LRMDA: variants seen among roughly 807,000 people sequenced by gnomAD.
The protein encoded by LRMDA is leucine-rich melanocyte differentiation-associated protein.
Under a neutral mutation model 29.8 loss-of-function variants are expected in LRMDA, and 18 were observed. The observed-to-expected ratio is 0.60, with a 90% CI of 0.42 to 0.90. The LOEUF (loss-of-function observed/expected upper bound fraction) is 0.90, where lower values mean the gene tolerates loss of function less well. LRMDA is among the 40% of genes least tolerant of loss of function. The pLI is 0.00. For missense variants in LRMDA, 273 were observed against 273.9 expected (o/e 1.00, Z 0.02); for synonymous variants, 125 against 109.4 (o/e 1.14, Z -0.89).
intron 6 of LRMDA, among the ~76,000 whole-genome samples, chr10:76,386,565 G>A (rs1589161412): frequency 6.6e-6 from 1 of 152,060 alleles, no homozygotes; most frequent in African/African-American, 2.4e-5. Context: ...GGAGGAACAT[G>A]TTCTTAACAC....
intron 2 of LRMDA, among the ~76,000 whole-genome samples, chr10:75,903,359 T>C (rs1459472936): frequency 1.3e-5 from 2 of 152,192 alleles, no homozygotes; most frequent in South Asian, 2.1e-4. Flanking sequence ...GCTGGCTAAA[T>C]TGGTACATTA....
At chr10:76,038,462 A>G (rs192999787) in intron 3 of LRMDA, among the ~76,000 whole-genome samples, 1 of 152,348 alleles carries the variant, frequency 6.6e-6, no homozygotes, top group Non-Finnish European at 1.5e-5. Context: ...AAACCTGACC[A>G]GTGATATCAC....
intron 2 of LRMDA, chr10:75,782,895 T>C: frequency 6.2e-7 from 1 of 1,605,462 alleles, no homozygotes; most frequent in Non-Finnish European, 8.5e-7. Flanking sequence ...CTGCTGTTGC[T>C]CTCATGCCTC....
At chr10:76,406,994 C>A (rs1841909223) in intron 6 of LRMDA, among the ~76,000 whole-genome samples, 1 of 152,154 alleles carries the variant, frequency 6.6e-6, no homozygotes. Flanking sequence ...TTCGTGCAAC[C>A]TTTGATCCCT....
intron 5 of LRMDA, among the ~76,000 whole-genome samples, chr10:76,126,798 A>T (rs1162310158): frequency 2.0e-5 from 3 of 152,206 alleles, no homozygotes; most frequent in Non-Finnish European, 1.5e-5. Context: ...AAAAACCACA[A>T]GAGAGCTGTG....
intron 5 of LRMDA, among the ~76,000 whole-genome samples, chr10:76,138,876 T>C (rs1457939929): frequency 3.3e-5 from 5 of 152,186 alleles, no homozygotes; most frequent in Non-Finnish European, 7.3e-5. Flanking sequence ...AAACAAGTGT[T>C]ATCAAGGAAA....
intron 5 of LRMDA, among the ~76,000 whole-genome samples, chr10:76,294,558 C>A (rs1840389409): frequency 1.3e-5 from 2 of 152,088 alleles, no homozygotes; most frequent in Admixed American, 6.6e-5. Context: ...ATGTAAGGAG[C>A]TGGAAAAAGG....
intron 2 of LRMDA, among the ~76,000 whole-genome samples, chr10:75,697,305 T>C (rs768752235): frequency 6.8e-6 from 1 of 147,206 alleles, no homozygotes; most frequent in Non-Finnish European, 1.5e-5. Flanking sequence ...TTGACATTTC[T>C]ACTGGTTTAT....
chr10:75,799,095 T>G (rs1270844275), intron 2 of LRMDA, among the ~76,000 whole-genome samples: 1 of 152,232 alleles, frequency 6.6e-6, no homozygotes, highest in Non-Finnish European at 1.5e-5. Flanking sequence ...TACTGGATTT[T>G]GTTTTATTAA....
intron 2 of LRMDA, among the ~76,000 whole-genome samples, chr10:75,462,561 A>G (rs1178904943): frequency 6.6e-6 from 1 of 152,226 alleles, no homozygotes; most frequent in Non-Finnish European, 1.5e-5. Context: ...AAGTCCTTAA[A>G]TTACTCAGAG....
chr10:75,431,637 G>A lies in LRMDA; in HGVS notation c.-88G>A. 1 of 1,150,000 alleles carries A rather than the reference G, an allele frequency of 8.7e-7. No individual in the cohort carries two copies. 71.2% of individuals were successfully genotyped at this position (1,150,000 alleles called of 1,614,324 possible). ...AGCTGACTGCCCAGTGCGGAACTGT[G>A]CGCCCGCCGCGCTCCCCTGCCGCGC... On this transcript the variant is annotated 5_prime_UTR_variant, in exon 1 of 7. Transcript: ENST00000611255.
At chr10:76,034,130 G>A (rs1036875661) in intron 2 of LRMDA, among the ~76,000 whole-genome samples, 4 of 152,276 alleles carry the variant, frequency 2.6e-5, no homozygotes, top group East Asian at 1.9e-4. Context: ...ATAGAGGAGC[G>A]GAGGCAAAGT....
chr10:75,797,191 TTTG>T (rs1843667529), intron 2 of LRMDA, among the ~76,000 whole-genome samples: 2 of 152,160 alleles, frequency 1.3e-5, no homozygotes, highest in African/African-American at 4.8e-5. Context: ...TTGTGTCAGT[TTTG>T]TTAAGTTAAT....
At chr10:75,680,369 G>C (rs899088980) in intron 2 of LRMDA, among the ~76,000 whole-genome samples, 3 of 152,316 alleles carry the variant, frequency 2.0e-5, no homozygotes, top group Admixed American at 6.5e-5. Flanking sequence ...AGAAGGAAAG[G>C]GGGGATGGAT....
intron 2 of LRMDA, among the ~76,000 whole-genome samples, chr10:75,969,756 C>T (rs1846931825): frequency 6.6e-6 from 1 of 152,140 alleles, no homozygotes; most frequent in South Asian, 2.1e-4. Context: ...TTAGGAAACT[C>T]ACCACCATCA....
chr10:76,371,815 G>A (rs1033566221), intron 6 of LRMDA, among the ~76,000 whole-genome samples: 1 of 152,152 alleles, frequency 6.6e-6, no homozygotes, highest in African/African-American at 2.4e-5. Context: ...ACTGGCAGAT[G>A]CTTAAGACTG....
chr10:75,771,918 G>A (rs1051367899), intron 2 of LRMDA, among the ~76,000 whole-genome samples: 1 of 152,044 alleles, frequency 6.6e-6, no homozygotes, highest in African/African-American at 2.4e-5. Context: ...TTTTCAGGGG[G>A]AGGCCCATGG....
chr10:76,026,281 A>G (rs1021038198), intron 2 of LRMDA, among the ~76,000 whole-genome samples: 12 of 152,224 alleles, frequency 7.9e-5, no homozygotes, highest in Admixed American at 7.2e-4. Flanking sequence ...GACCACAGCT[A>G]GAAAGTATGT....
chr10:75,855,122 A>G (rs920747393), intron 2 of LRMDA, among the ~76,000 whole-genome samples: 3 of 152,192 alleles, frequency 2.0e-5, no homozygotes, highest in Admixed American at 1.3e-4. Flanking sequence ...TTCTAGTTCT[A>G]GATCCCTGAG....
Sources: allele counts gnomAD v4.1 joint callset (sites outside exome capture counted in the v4.1 genomes callset), GRCh38; gene constraint gnomAD v4.1.1; transcripts MANE v1.5; gene names NCBI Gene and HGNC (gene_info 2026-07-23, HGNC 2026-07-21).